DAPL1: variants seen among roughly 807,000 people sequenced by gnomAD.
DAPL1 encodes death-associated protein-like 1.
In DAPL1, 17 loss-of-function variants were observed where a neutral mutation model predicts 12.9. That is an observed-to-expected ratio of 1.32 (90% CI 0.90 to 1.98). DAPL1 has a LOEUF of 1.98. Ranked by LOEUF, DAPL1 falls within the 30% of genes most tolerant of loss-of-function variation. The pLI, the probability that DAPL1 is intolerant of heterozygous loss-of-function variation, is 0.00. For synonymous variants in DAPL1, 51 were observed against 42.0 expected (o/e 1.21, Z -0.82); for missense variants, 157 against 125.7 (o/e 1.25, Z -1.19).
intron 3 of DAPL1, among the ~76,000 whole-genome samples, chr2:158,810,412 T>G (rs2059224239): frequency 6.6e-6 from 1 of 152,226 alleles, no homozygotes; most frequent in Non-Finnish European, 1.5e-5. Flanking sequence ...AGAACCCATG[T>G]TATTTCTCAT....
chr2:158,809,606 G>C lies in DAPL1; in HGVS notation c.207+2491G>C, dbSNP rs146071381. Among the ~76,000 whole-genome samples, 18 of 152,244 alleles carry C rather than the reference G, an allele frequency of 1.2e-4. No homozygotes were observed. The East Asian group carries it at 3.5e-3, about 30-fold the overall frequency. ...CCTCTTTCCTTATCTGTAAATGGGA[G>C]TGTGAGTACCAGTATCTACTTCATA... On this transcript the variant is annotated intron_variant, in intron 3 of 3. Transcript: ENST00000309950.
At chr2:158,804,754 G>A (rs961052647) in intron 2 of DAPL1, among the ~76,000 whole-genome samples, 2 of 152,208 alleles carry the variant, frequency 1.3e-5, no homozygotes, top group African/African-American at 4.8e-5. Flanking sequence ...TATGCTTTCT[G>A]CTGAAGTAAA....
intron 3 of DAPL1, among the ~76,000 whole-genome samples, chr2:158,813,184 G>A (rs2059240915): frequency 1.3e-5 from 2 of 152,188 alleles, no homozygotes; most frequent in Admixed American, 6.5e-5. Context: ...AAAGTAGTCA[G>A]ATTCATAGTT....
intron 2 of DAPL1, 113 bp downstream of exon 2, chr2:158,804,482 A>T: frequency 1.6e-5 from 8 of 505,862 alleles, no homozygotes; most frequent in East Asian, 3.8e-5. Context: ...CAGCCAGAGA[A>T]GGGGGCAGGA....
At position 158,795,412 on chromosome 2, in the gene DAPL1, G is replaced by T; in HGVS notation, c.40G>T (p.Gly14Trp). 1.3e-6 allele frequency: 2 copies of T among 1,555,602 alleles called. No individual in the cohort carries two copies. Among genetic ancestry groups the T allele is most frequent in the East Asian group, 2.4e-5 (1 of 41,252 alleles). ...EVQDLLSPRKGGHPPAVKAGG... is the reference protein window; with the variant it reads ...EVQDLLSPRKWGHPPAVKAGG... ...GCAAGACCTGCTCTCCCCTCGGAAA[G>T]GGGGACATCCTCCTGCAGGTAGGCT... Residue 14 changes from glycine to tryptophan, a missense_variant, in exon 1 of 4, where the codon GGG (glycine) becomes TGG (tryptophan). Physicochemically the swap from Gly to Trp is radical, Grantham distance 184. Coordinates refer to ENST00000309950, the MANE Select transcript of DAPL1 (RefSeq NM_001017920.3).
intron 3 of DAPL1, among the ~76,000 whole-genome samples, chr2:158,810,580 GT>G (rs552426581): frequency 2.2e-4 from 34 of 152,264 alleles, no homozygotes; most frequent in African/African-American, 8.2e-4. Context: ...TTGAAAAATA[GT>G]CCCCGAAGGG....
At chr2:158,796,179 T>G (rs772645415) in intron 1 of DAPL1, among the ~76,000 whole-genome samples, 2 of 152,238 alleles carry the variant, frequency 1.3e-5, no homozygotes, top group Non-Finnish European at 1.5e-5. Context: ...CAGTTTTATA[T>G]TCTTCCAACT....
chr2:158,815,656 G>A (rs1515922), intron 3 of DAPL1, 49 bp from the exon 4 acceptor site: 170,710 of 1,150,526 alleles, frequency 0.15, 13,365 homozygotes, highest in South Asian at 0.2. Context: ...AATATTTCAT[G>A]ACCAAGAAGA....
chr2:158,802,595 A>G (rs924252773), intron 1 of DAPL1, among the ~76,000 whole-genome samples: 24 of 152,348 alleles, frequency 1.6e-4, no homozygotes, highest in African/African-American at 5.3e-4. Context: ...TCAGTAGAAT[A>G]ATAAATCTTG....
At chr2:158,802,345 A>T (rs979674391) in intron 1 of DAPL1, among the ~76,000 whole-genome samples, 2 of 152,232 alleles carry the variant, frequency 1.3e-5, no homozygotes, top group African/African-American at 4.8e-5. Context: ...CCAGAGTGAC[A>T]TCATTTGAAA....
chr2:158,805,606 A>G (rs1262897124), intron 2 of DAPL1, among the ~76,000 whole-genome samples: 1 of 148,506 alleles, frequency 6.7e-6, no homozygotes, highest in African/African-American at 2.4e-5. Context: ...CTCAGGAACT[A>G]AAGTGTCTTA....
chr2:158,807,170 G>T (rs968407478), intron 3 of DAPL1, 55 bp downstream of exon 3: 3 of 1,422,884 alleles, frequency 2.1e-6, no homozygotes, highest in Non-Finnish European at 2.0e-6. Context: ...AGTGGATCCA[G>T]CTGCATGGGT....
At chr2:158,812,126 A>G (rs1202562435) in intron 3 of DAPL1, among the ~76,000 whole-genome samples, 1 of 152,198 alleles carries the variant, frequency 6.6e-6, no homozygotes, top group African/African-American at 2.4e-5. Context: ...CATATTTTCA[A>G]GTTGCTATGA....
Position 158,804,334 on chromosome 2 carries a change from A to C in DAPL1, c.111A>C (p.Glu37Asp). The change falls in exon 2 of 4, where the codon GAA becomes GAC. Residue 37 changes from glutamate to aspartate, a missense_variant. Transcript: ENST00000309950. ...AAAAACAAGAAATTGGCACCTTGGA[A>C]AGACATACCAAAAAAACAGGATTCG... Reference protein sequence around the residue: ...ISKKQEIGTLERHTKKTGFEK... With the variant: ...ISKKQEIGTLDRHTKKTGFEK... 1 of 1,611,806 alleles carries C rather than the reference A, an allele frequency of 6.2e-7. No individual in the cohort carries two copies. The highest frequency in any genetic ancestry group is 8.5e-7 in the Non-Finnish European group (1 of 1,178,778).
chr2:158,807,297 T>C (rs1037904799), intron 3 of DAPL1, among the ~76,000 whole-genome samples, 182 bp downstream of exon 3: 4 of 152,214 alleles, frequency 2.6e-5, no homozygotes, highest in Admixed American at 6.5e-5. Flanking sequence ...GCTGCTTCTC[T>C]CAAATTCCTA....
At chr2:158,804,160 A>T in intron 1 of DAPL1, 122 bp from the exon 2 acceptor site, 1 of 655,400 alleles carries the variant, frequency 1.5e-6, no homozygotes, top group Non-Finnish European at 2.5e-6. Flanking sequence ...TTTTATACAA[A>T]CGTTTAGATC....
intron 1 of DAPL1, among the ~76,000 whole-genome samples, chr2:158,796,816 A>C (rs2059136992): frequency 6.6e-6 from 1 of 152,210 alleles, no homozygotes; most frequent in African/African-American, 2.4e-5. Flanking sequence ...CTCTGTGTAC[A>C]TAGCACACCA....
intron 3 of DAPL1, among the ~76,000 whole-genome samples, 165 bp downstream of exon 3, chr2:158,807,280 G>T (rs2059208180): frequency 6.6e-6 from 1 of 152,146 alleles, no homozygotes; most frequent in Non-Finnish European, 1.5e-5. Context: ...TGATTTGAGT[G>T]GGAAAAGCTG....
At chr2:158,805,201 T>A (rs1451486018) in intron 2 of DAPL1, among the ~76,000 whole-genome samples, 1 of 152,248 alleles carries the variant, frequency 6.6e-6, no homozygotes. Flanking sequence ...CTTCTTTGAC[T>A]CTTTTCTATA....
Sources: gnomAD v4.1 joint callset for allele counts (sites outside exome capture counted in the v4.1 genomes callset) on GRCh38, gnomAD v4.1.1 for gene constraint, MANE v1.5 for transcripts, NCBI Gene and HGNC (gene_info 2026-07-23, HGNC 2026-07-21) for gene names.